Variants in ARHGEF10L observed in about 807,000 individuals in gnomAD.
ARHGEF10L encodes Rho guanine nucleotide exchange factor 10 like, also known as rho guanine nucleotide exchange factor 10-like protein.
Under a neutral mutation model 141.2 loss-of-function variants are expected in ARHGEF10L, and 69 were observed. That is an observed-to-expected ratio of 0.49 (90% CI 0.40 to 0.60). The LOEUF is 0.60. Ranked by LOEUF, ARHGEF10L falls within the 20% of genes least tolerant of loss-of-function variation. ARHGEF10L has a pLI of 0.00. For missense variants in ARHGEF10L, 1,482 were observed against 1,734.3 expected, an observed-to-expected ratio of 0.85 and a Z score of 2.58; for synonymous variants, 711 against 718.5, an observed-to-expected ratio of 0.99 and a Z score of 0.17.
intron 5 of ARHGEF10L, 131 bp downstream of exon 5, chr1:17,602,349 C>A: frequency 9.7e-7 from 1 of 1,032,538 alleles, no homozygotes; most frequent in Non-Finnish European, 1.4e-6. Context: ...GCTTCTGTGG[C>A]CCTGGAGGAC....
intron 26 of ARHGEF10L, among the ~76,000 whole-genome samples, chr1:17,679,708 C>T (rs908427052): frequency 5.3e-5 from 8 of 152,190 alleles, no homozygotes; most frequent in South Asian, 2.1e-4. Context: ...CCGTGCAGAG[C>T]GGACGTGACC....
rs759448912 is a variant in ARHGEF10L at position 17,627,433 on chromosome 1, G to A, written c.1514G>A (p.Arg505Gln). ...TLAEKLNEQK[R>Q]LADQVAEIQQ... Reference sequence around the variant, plus strand: ...GCTGAGAAGCTGAACGAGCAGAAGCGGCTGGCTGACCAGGTGGCTGAGATC... The same window carrying A: ...GCTGAGAAGCTGAACGAGCAGAAGCAGCTGGCTGACCAGGTGGCTGAGATC... Residue 505 changes from arginine to glutamine, a missense_variant, in exon 15 of 29, where the codon CGG (arginine) becomes CAG (glutamine). Physicochemically the swap from Arg to Gln is conservative, Grantham distance 43. Coordinates refer to ENST00000361221, the MANE Select transcript of ARHGEF10L (RefSeq NM_018125.4). This position sits in a 1 kb window ranked among gnomAD's most constrained non-coding sequence, Gnocchi z 4.0. The A allele has an allele frequency of 8.7e-6, 14 of 1,613,714 alleles. No individual in the cohort carries two copies. Among genetic ancestry groups the A allele is most frequent in the East Asian group, 2.2e-5 (1 of 44,882 alleles).
At chr1:17,536,624 G>C (rs1372229642), upstream of ARHGEF10L, among the ~76,000 whole-genome samples, 1 of 152,202 alleles carries the variant, frequency 6.6e-6, no homozygotes, top group Non-Finnish European at 1.5e-5. Context: ...TCCAGCATAT[G>C]TTTTGTGATG....
At chr1:17,587,897 A>G (rs2100654275) in intron 3 of ARHGEF10L, among the ~76,000 whole-genome samples, 1 of 152,342 alleles carries the variant, frequency 6.6e-6, no homozygotes, top group Non-Finnish European at 1.5e-5. Flanking sequence ...TGCTTTGGAG[A>G]CAGTTGCTGC....
chr1:17,632,257 T>C, intron 15 of ARHGEF10L, 64 bp from the exon 16 acceptor site: 1 of 1,596,568 alleles, frequency 6.3e-7, no homozygotes, highest in Non-Finnish European at 8.5e-7. Context: ...GGATTCTGGG[T>C]CTCCGGCGCG....
intron 9 of ARHGEF10L, among the ~76,000 whole-genome samples, chr1:17,617,538 C>G (rs1398620978): frequency 6.6e-6 from 1 of 152,240 alleles, no homozygotes; most frequent in African/African-American, 2.4e-5. Flanking sequence ...GACAAGGAAT[C>G]CCAGTACAGT....
intron 20 of ARHGEF10L, 112 bp from the exon 21 acceptor site, chr1:17,640,090 G>A (rs1231683691): frequency 6.0e-6 from 9 of 1,500,264 alleles, no homozygotes; most frequent in Non-Finnish European, 8.0e-6. Context: ...GCTCTGACCA[G>A]ACCTCCTTGA....
the ARHGEF10L span, among the ~76,000 whole-genome samples, chr1:17,522,907 A>T: frequency 6.6e-6 from 1 of 151,722 alleles, no homozygotes; most frequent in Non-Finnish European, 1.5e-5. Flanking sequence ...TCCCTCTCCT[A>T]ATGATAATAC....
chr1:17,602,059 T>G, intron 4 of ARHGEF10L, 68 bp from the exon 5 acceptor site: 1 of 1,399,336 alleles, frequency 7.1e-7, no homozygotes, highest in Non-Finnish European at 9.6e-7. Context: ...GCTGACCAGG[T>G]GAGGGGCTGC....
the ARHGEF10L span, among the ~76,000 whole-genome samples, chr1:17,522,022 C>T: frequency 1.8e-4 from 28 of 152,180 alleles, no homozygotes; most frequent in Admixed American, 2.0e-4. Flanking sequence ...ACTCCCAGGA[C>T]GGACGGTTGT....
Position 17,573,210 on chromosome 1 carries a change from C to CA in ARHGEF10L, c.-43-7342dup, listed in dbSNP as rs1430054989. 6.6e-6 allele frequency among the ~76,000 whole-genome samples: 1 copy of CA among 152,224 alleles called. No homozygotes were observed. Among genetic ancestry groups the CA allele is most frequent in the Admixed American group, 6.5e-5 (1 of 15,286 alleles). On this transcript the variant is annotated intron_variant, in intron 1 of 28. Transcript: ENST00000361221. The surrounding 1 kb of genome is among the most constrained non-coding windows in gnomAD (Gnocchi z 4.8). ...AAAGGAGGTGAGGAAACCCACCTCT[C>CA]AGGCTGCCTGCAGCCTAAACACACT...
chr1:17,648,591 G>C lies in ARHGEF10L; in HGVS notation c.2310G>C (p.Glu770Asp), dbSNP rs2101932764. 1 of 1,613,760 alleles carries C rather than the reference G, an allele frequency of 6.2e-7. No individual in the cohort carries two copies. The highest frequency in any genetic ancestry group is 2.2e-5 in the East Asian group (1 of 44,890). Residue 770 changes from glutamate to aspartate, a missense_variant, in exon 22 of 29, where the codon GAG becomes GAC. This residue lies in a region of ARHGEF10L where 858 missense variants were observed against 966.3 expected (regional missense o/e 0.89). Transcript: ENST00000361221. ...ENQPGWLCPDEDKKSKAPFWC... is the reference protein window; with the variant it reads ...ENQPGWLCPDDDKKSKAPFWC... ...AGCCAGGCTGGCTATGCCCGGATGA[G>C]GACAAGAAGAGCAAAGCCCCATTCT... is the stretch of plus-strand genomic sequence containing the variant.
At chr1:17,574,229 C>T (rs1037134494) in intron 1 of ARHGEF10L, among the ~76,000 whole-genome samples, 2 of 152,320 alleles carry the variant, frequency 1.3e-5, no homozygotes, top group Admixed American at 1.3e-4. Flanking sequence ...GGGGATGCCC[C>T]TCAGTCTCTG....
chr1:17,685,410 C>T (rs1412793761), intron 26 of ARHGEF10L, among the ~76,000 whole-genome samples: 4 of 152,212 alleles, frequency 2.6e-5, no homozygotes, highest in Non-Finnish European at 5.9e-5. Flanking sequence ...GGCCTTTGCA[C>T]TGCTGTGCCC....
chr1:17,576,582 A>G (rs2100437968), intron 1 of ARHGEF10L, among the ~76,000 whole-genome samples: 1 of 152,222 alleles, frequency 6.6e-6, no homozygotes, highest in African/African-American at 2.4e-5. Context: ...CTCCAAGAGA[A>G]AACAATCTCC....
intron 6 of ARHGEF10L, among the ~76,000 whole-genome samples, chr1:17,606,991 G>A (rs904367674): frequency 6.6e-6 from 1 of 152,228 alleles, no homozygotes; most frequent in Non-Finnish European, 1.5e-5. Flanking sequence ...GCAGGCTTAG[G>A]AAGGAAAGGA....
chr1:17,635,968 C>T (rs2060974052), intron 18 of ARHGEF10L, among the ~76,000 whole-genome samples: 1 of 152,148 alleles, frequency 6.6e-6, no homozygotes, highest in African/African-American at 2.4e-5. Flanking sequence ...GTGATTGCAC[C>T]ACCTACTCTT....
At chr1:17,645,516 G>A (rs2061547982) in intron 21 of ARHGEF10L, among the ~76,000 whole-genome samples, 1 of 152,162 alleles carries the variant, frequency 6.6e-6, no homozygotes. Context: ...GCTCCTACAG[G>A]TTGTGGGGTG....
intron 19 of ARHGEF10L, 111 bp from the exon 20 acceptor site, chr1:17,638,451 G>A (rs1372029225): frequency 4.0e-6 from 6 of 1,487,352 alleles, no homozygotes; most frequent in Non-Finnish European, 5.5e-6. Context: ...GAGGCTCCAG[G>A]ACTTCTTCAG....
Sources: gnomAD v4.1 joint callset for allele counts (sites outside exome capture counted in the v4.1 genomes callset) on GRCh38, gnomAD v4.1.1 for gene constraint, gnomAD v4.1.1 regional missense constraint, Gnocchi (gnomAD v3.1) non-coding constraint, MANE v1.5 for transcripts, NCBI Gene and HGNC (gene_info 2026-07-23, HGNC 2026-07-21) for gene names.